APC: variants seen among roughly 807,000 people sequenced by gnomAD.
APC encodes the protein APC regulator of Wnt signaling pathway, also known as adenomatous polyposis coli protein.
Under a neutral mutation model 247.0 loss-of-function variants are expected in APC, and 72 were observed. The ratio of observed to expected loss-of-function variants is 0.29; its 90% CI spans 0.24 to 0.35. The LOEUF (loss-of-function observed/expected upper bound fraction) is 0.35. Ranked by LOEUF, APC falls within the 10% of genes least tolerant of loss-of-function variation. The pLI, the probability that APC is intolerant of heterozygous loss-of-function variation, is 1.00. For synonymous variants in APC, 1,254 were observed against 1,162.5 expected (o/e 1.08, Z -1.60); for missense variants, 3,400 against 3,360.7 (o/e 1.01, Z -0.29).
chr5:112,803,797 T>C (rs11952365), intron 8 of APC, among the ~76,000 whole-genome samples: 1 of 152,194 alleles, frequency 6.6e-6, no homozygotes, highest in African/African-American at 2.4e-5. Flanking sequence ...ACATCTCTAT[T>C]TATGTAAAGA....
chr5:112,720,253 C>G (rs187895468), intron 1 of APC, among the ~76,000 whole-genome samples: 1 of 152,182 alleles, frequency 6.6e-6, no homozygotes, highest in Admixed American at 6.5e-5. Flanking sequence ...ACAAAACCAG[C>G]TCTGTTGTAT....
At chr5:112,821,511 T>TTTTGTTG (rs1763125862) in intron 10 of APC, among the ~76,000 whole-genome samples, 1 of 151,834 alleles carries the variant, frequency 6.6e-6, no homozygotes, top group Non-Finnish European at 1.5e-5. Flanking sequence ...TTTGTTTTTT[T>TTTTGTTG]TTTGTTGTTT....
Position 112,754,795 on chromosome 5 carries a change from C to T in APC, c.-18-78C>T, listed in dbSNP as rs568689521. 5 of 1,386,908 alleles carry T rather than the reference C, an allele frequency of 3.6e-6. No individual in the cohort carries two copies. The East Asian group carries it at 1.2e-4, about 32-fold the overall frequency. The allele number at this position is 1,386,908 out of a possible 1,614,324, so 85.9% of individuals were successfully genotyped here. A position where few individuals can be genotyped will look rare whatever the true frequency, so the allele number is the denominator to read the frequency against. The stretch of plus-strand genomic sequence containing the variant: ...CTTAAACGTCTTAAGAGTTTTGTTT[C>T]CTTTACCCCTTTCTTTAAAAACAAG... On this transcript the variant is annotated intron_variant, in intron 1 of 15. Coordinates refer to ENST00000257430, the MANE Select transcript of APC (RefSeq NM_000038.6).
chr5:112,758,522 T>A (rs1257069241), intron 2 of APC, among the ~76,000 whole-genome samples: 1 of 152,152 alleles, frequency 6.6e-6, no homozygotes, highest in African/African-American at 2.4e-5. Context: ...AGACGGGGTT[T>A]CACTATGTTG....
intron 8 of APC, among the ~76,000 whole-genome samples, chr5:112,801,834 C>T (rs1162816730): frequency 6.6e-6 from 1 of 151,742 alleles, no homozygotes; most frequent in Non-Finnish European, 1.5e-5. Flanking sequence ...CCAAGTCTTA[C>T]TGAAAAAGAT....
chr5:112,816,200 C>A (rs1362098390), intron 9 of APC, among the ~76,000 whole-genome samples: 1 of 152,170 alleles, frequency 6.6e-6, no homozygotes, highest in Non-Finnish European at 1.5e-5. Flanking sequence ...TTGGGCTTTG[C>A]TTTTTCACAA....
intron 1 of APC, among the ~76,000 whole-genome samples, chr5:112,718,465 G>A (rs1018216773): frequency 6.6e-6 from 1 of 152,154 alleles, no homozygotes; most frequent in African/African-American, 2.4e-5. Flanking sequence ...GCCCTTTAGG[G>A]TCTCAGCCGG....
At chr5:112,769,047 C>CTT (rs1561467916) in intron 4 of APC, among the ~76,000 whole-genome samples, 2 of 106,206 alleles carry the variant, frequency 1.9e-5, no homozygotes, top group African/African-American at 3.5e-5. Context: ...TCTTTTTTTT[C>CTT]TTCTTTTTTT....
At chr5:112,762,391 C>G (rs1015674735) in intron 2 of APC, among the ~76,000 whole-genome samples, 4 of 152,146 alleles carry the variant, frequency 2.6e-5, no homozygotes, top group Non-Finnish European at 4.4e-5. Flanking sequence ...CAAGAATGTT[C>G]ATAGTGACAT....
chr5:112,790,320 G>T lies in APC; in HGVS notation c.646-2126G>T, dbSNP rs1316918256. ...GTTTTATTTGGGTTTTTTTTGGGGG[G>T]TGGGGGTTGTTTTTGTTTTTGTTTT... On this transcript the variant is annotated intron_variant, in intron 6 of 15. Coordinates refer to ENST00000257430, the MANE Select transcript of APC (RefSeq NM_000038.6). 2.0e-5 allele frequency among the ~76,000 whole-genome samples: 3 copies of T among 151,220 alleles called. No homozygotes were observed. In the East Asian group the frequency reaches 5.8e-4, roughly 29 times the overall value.
At chr5:112,782,898 A>G (rs920482607) in intron 6 of APC, among the ~76,000 whole-genome samples, 4 of 152,214 alleles carry the variant, frequency 2.6e-5, no homozygotes, top group Non-Finnish European at 2.9e-5. Context: ...AAGAATATAT[A>G]AATAACTTCT....
At chr5:112,720,084 A>T (rs1751398706) in intron 1 of APC, among the ~76,000 whole-genome samples, 1 of 152,226 alleles carries the variant, frequency 6.6e-6, no homozygotes, top group Non-Finnish European at 1.5e-5. Flanking sequence ...ATGGTAGTCT[A>T]CATAAATTGG....
chr5:112,762,717 C>T (rs991166605), intron 2 of APC, among the ~76,000 whole-genome samples: 2 of 152,136 alleles, frequency 1.3e-5, no homozygotes, highest in African/African-American at 4.8e-5. Flanking sequence ...CTTGAGGGAA[C>T]CCTCTGGGGT....
chr5:112,841,886 A>G lies in APC; in HGVS notation c.6292A>G (p.Asn2098Asp). The G allele has an allele frequency of 1.9e-6, 3 of 1,613,990 alleles. No individual in the cohort carries two copies. The highest frequency in any genetic ancestry group is 2.5e-6 in the Non-Finnish European group (3 of 1,179,922). Residue 2098 changes from asparagine (N) to aspartate (D), a missense_variant, in exon 16 of 16, where the codon AAT (asparagine) becomes GAT (aspartate). Transcript: ENST00000257430. The surrounding 1 kb of genome is among the most constrained non-coding windows in gnomAD (Gnocchi z 4.6). Reference protein sequence around the residue: ...SEHGLSPDSENFDWKAIQEGA... With the variant: ...SEHGLSPDSEDFDWKAIQEGA... ...ACATGGTCTATCCCCTGATTCAGAA[A>G]ATTTTGATTGGAAAGCTATTCAGGA... is the stretch of plus-strand genomic sequence containing the variant.
intron 8 of APC, among the ~76,000 whole-genome samples, chr5:112,805,019 A>C (rs563220750): frequency 1.3e-5 from 2 of 152,018 alleles, no homozygotes; most frequent in South Asian, 4.2e-4. Flanking sequence ...AAAAAAAAAA[A>C]CTTAAAAGCA....
At chr5:112,783,411 A>G (rs575432860) in intron 6 of APC, among the ~76,000 whole-genome samples, 33 of 152,180 alleles carry the variant, frequency 2.2e-4, no homozygotes, top group Non-Finnish European at 4.0e-4. Context: ...TGTAAACAAG[A>G]TAAAAAGGCA....
intron 5 of APC, among the ~76,000 whole-genome samples, chr5:112,776,340 C>T (rs115702053): frequency 6.6e-6 from 1 of 152,254 alleles, no homozygotes; most frequent in Non-Finnish European, 1.5e-5. Context: ...AAGATCGAAC[C>T]TGCATATAAT....
intron 2 of APC, among the ~76,000 whole-genome samples, chr5:112,765,984 C>G (rs1431966975): frequency 2.0e-5 from 3 of 152,094 alleles, no homozygotes; most frequent in African/African-American, 7.2e-5. Context: ...ACATAAGTAG[C>G]TTTTGTAACT....
chr5:112,828,784 C>A, intron 13 of APC, 72 bp from the exon 14 acceptor site: 1 of 1,041,006 alleles, frequency 9.6e-7, no homozygotes, highest in Non-Finnish European at 1.5e-6. Flanking sequence ...ATTCTTACTG[C>A]TAGCATTAAA....
Sources: allele counts gnomAD v4.1 joint callset (sites outside exome capture counted in the v4.1 genomes callset), GRCh38; gene constraint gnomAD v4.1.1; non-coding constraint Gnocchi (gnomAD v3.1); transcripts MANE v1.5; gene names NCBI Gene and HGNC (gene_info 2026-07-23, HGNC 2026-07-21).